Variants in HSPA14 observed in about 807,000 individuals in gnomAD.
HSPA14 encodes the protein heat shock protein family A (Hsp70) member 14, also known as heat shock 70 kDa protein 14.
In HSPA14, 37 loss-of-function variants were observed where a neutral mutation model predicts 65.5. That is an observed-to-expected ratio of 0.56 (90% confidence interval 0.43 to 0.74). The LOEUF (loss-of-function observed/expected upper bound fraction) is 0.74, where lower values mean the gene tolerates loss of function less well. Ranked by LOEUF, HSPA14 falls within the 30% of genes least tolerant of loss-of-function variation. The pLI, the probability that HSPA14 is intolerant of heterozygous loss-of-function variation, is 0.00. For synonymous variants in HSPA14, 203 were observed against 214.2 expected, an observed-to-expected ratio of 0.95 and a Z score of 0.46; for missense variants, 564 against 607.6, an observed-to-expected ratio of 0.93 and a Z score of 0.75.
At position 14,871,640 on chromosome 10, in the gene HSPA14, G is replaced by C; in HGVS notation, c.*34G>C. 1.7e-6 allele frequency: 2 copies of C among 1,151,876 alleles called. No homozygotes were observed. Among genetic ancestry groups the C allele is most frequent in the Non-Finnish European group, 2.6e-6 (2 of 782,068 alleles). 71.4% of individuals were successfully genotyped at this position (1,151,876 alleles called of 1,614,324 possible). A position where few individuals can be genotyped will look rare whatever the true frequency, so the allele number is the denominator to read the frequency against. ...AGAAATCAAGAATTTTTAAAAACAA[G>C]AATATCAACATTTGGTTTTGTGTAT... On this transcript the variant is annotated 3_prime_UTR_variant, in exon 14 of 14. Transcript: ENST00000378372.
At chr10:14,852,051 T>G (rs569448692) in intron 7 of HSPA14, among the ~76,000 whole-genome samples, 1 of 152,346 alleles carries the variant, frequency 6.6e-6, no homozygotes, top group South Asian at 2.1e-4. Flanking sequence ...CACATAGAAT[T>G]TCTATGTTCA....
chr10:14,871,590 TTGA>T lies in HSPA14; in HGVS notation c.1515_1517del (p.Ile505_Glu506delinsMet). The T allele has an allele frequency of 6.4e-7, 1 of 1,572,920 alleles. No individual in the cohort carries two copies. The highest frequency in any genetic ancestry group is 1.8e-5 in the Admixed American group (1 of 56,764). On this transcript the variant is annotated inframe_deletion, in exon 14 of 14. Transcript: ENST00000378372. Reference sequence around the variant, plus strand: ...ACTGGAAAATGTGAAGCAATCTCTATTGAGATAGCATCTTAGTGTTTTAGAGAA... The same window carrying T: ...ACTGGAAAATGTGAAGCAATCTCTATGATAGCATCTTAGTGTTTTAGAGAA...
At chr10:14,863,647 A>G (rs1832776257) in intron 10 of HSPA14, among the ~76,000 whole-genome samples, 2 of 152,192 alleles carry the variant, frequency 1.3e-5, no homozygotes, top group South Asian at 4.1e-4. Context: ...AGGTTGTGAC[A>G]TTATAAGCAG....
At chr10:14,870,784 GT>G in intron 13 of HSPA14, 117 bp downstream of exon 13, 1 of 958,296 alleles carries the variant, frequency 1.0e-6, no homozygotes, top group Non-Finnish European at 1.4e-6. Flanking sequence ...ACCTACAGAG[GT>G]TTTTATCAGT....
chr10:14,849,034 C>G, intron 5 of HSPA14, 139 bp downstream of exon 5: 1 of 545,466 alleles, frequency 1.8e-6, no homozygotes, highest in Non-Finnish European at 3.3e-6. Flanking sequence ...AAACTGTCGA[C>G]CTGGTTGGGG....
At chr10:14,864,516 G>C (rs1157001261) in intron 10 of HSPA14, among the ~76,000 whole-genome samples, 2 of 146,308 alleles carry the variant, frequency 1.4e-5, no homozygotes, top group Non-Finnish European at 1.5e-5. Context: ...GGTGTGTGAT[G>C]TTCCCCTTCC....
At position 14,842,582 on chromosome 10, in the gene HSPA14, C is replaced by A; in HGVS notation, c.221+2425C>A. 1 of 1,536,160 alleles carries A rather than the reference C, an allele frequency of 6.5e-7. No individual in the cohort carries two copies. Among genetic ancestry groups the A allele is most frequent in the Non-Finnish European group, 8.7e-7 (1 of 1,146,922 alleles). On this transcript the variant is annotated intron_variant, in intron 3 of 13. Coordinates refer to ENST00000378372, the MANE Select transcript of HSPA14 (RefSeq NM_016299.4). This position sits in a 1 kb window ranked among gnomAD's most constrained non-coding sequence, Gnocchi z 5.2. ...ATTTTATGATACGTTGGATCAGCTT[C>A]TCCGAAATCAGATAGTGACTGACCC...
chr10:14,844,602 T>C (rs1834022751), intron 3 of HSPA14: 1 of 985,336 alleles, frequency 1.0e-6, no homozygotes, highest in Non-Finnish European at 1.2e-6. Flanking sequence ...TCCTTCATTT[T>C]ACTGGTTCTT....
chr10:14,864,948 A>G (rs924738708), intron 10 of HSPA14, among the ~76,000 whole-genome samples: 25 of 151,542 alleles, frequency 1.6e-4, no homozygotes, highest in Non-Finnish European at 2.4e-4. Context: ...CAACAGTGTA[A>G]GTGTTCCTAT....
rs1343361222 is a variant in HSPA14, at chr10:14,867,287, TTAGTTAAGGTATGTTTAGCTTTTGTATAC to T, written c.1206+16_1206+44del. The T allele has an allele frequency of 3.1e-6, 5 of 1,611,142 alleles. No homozygotes were observed. The highest frequency in any genetic ancestry group is 2.7e-5 in the African/African-American group (2 of 74,864). On this transcript the variant is annotated splice_donor_variant and splice_donor_5th_base_variant and coding_sequence_variant and intron_variant, in exon 11 of 14. Coordinates refer to ENST00000378372, the MANE Select transcript of HSPA14 (RefSeq NM_016299.4). LOFTEE classifies it high-confidence loss of function. ...GATAGAGTGTTCAGCCAGAGATATT[TTAGTTAAGGTATGTTTAGCTTTTGTATAC>T]TAGTTAAGGTATGTTTAGCTTTTCT...
chr10:14,847,143 G>T, intron 3 of HSPA14: 1 of 479,130 alleles, frequency 2.1e-6, no homozygotes, highest in Non-Finnish European at 2.7e-6. Context: ...GAGGAGAGCG[G>T]CCCTCTTTAT....
chr10:14,843,443 G>A, intron 3 of HSPA14: 1 of 1,550,754 alleles, frequency 6.4e-7, no homozygotes, highest in East Asian at 2.4e-5. Context: ...CCCTGTCAGA[G>A]CAGCCCCATG....
At chr10:14,857,929 G>A (rs1303685338) in intron 10 of HSPA14, among the ~76,000 whole-genome samples, 1 of 151,448 alleles carries the variant, frequency 6.6e-6, no homozygotes, top group Non-Finnish European at 1.5e-5. Flanking sequence ...CTTACAGTGT[G>A]GCAGGCATTT....
At position 14,842,242 on chromosome 10, in the gene HSPA14, C is replaced by T. The variant is rs1833982864; in HGVS notation, c.221+2085C>T. On this transcript the variant is annotated intron_variant, in intron 3 of 13. Coordinates refer to ENST00000378372, the MANE Select transcript of HSPA14 (RefSeq NM_016299.4). The surrounding 1 kb of genome is among the most constrained non-coding windows in gnomAD (Gnocchi z 5.2). Reference sequence around the variant, plus strand: ...GCTTCCCCACACCTTCAGACTTGCACCTTGCTGTCCAGAAGCTGCCTAGCC... The same window carrying T: ...GCTTCCCCACACCTTCAGACTTGCATCTTGCTGTCCAGAAGCTGCCTAGCC... 1 of 1,535,440 alleles carries T rather than the reference C, an allele frequency of 6.5e-7. No homozygotes were observed. The highest frequency in any genetic ancestry group is 1.2e-5 in the South Asian group (1 of 83,906).
intron 12 of HSPA14, among the ~76,000 whole-genome samples, chr10:14,868,503 A>T (rs1160882377): frequency 1.4e-5 from 2 of 147,640 alleles, no homozygotes; most frequent in East Asian, 2.0e-4. Context: ...AGTTGCATTC[A>T]CACACACACA....
chr10:14,858,046 TA>T (rs1231504311), intron 10 of HSPA14, among the ~76,000 whole-genome samples: 1 of 152,152 alleles, frequency 6.6e-6, no homozygotes, highest in Non-Finnish European at 1.5e-5. Flanking sequence ...CAGACCCACC[TA>T]AACATGAAGC....
intron 13 of HSPA14, 42 bp downstream of exon 13, chr10:14,870,709 T>C: frequency 2.0e-6 from 3 of 1,466,538 alleles, no homozygotes; most frequent in Non-Finnish European, 2.8e-6. Flanking sequence ...TTCAATTTGA[T>C]ACTTGACCAT....
intron 12 of HSPA14, among the ~76,000 whole-genome samples, chr10:14,870,220 T>A (rs1349745172): frequency 1.3e-5 from 2 of 152,074 alleles, no homozygotes; most frequent in African/African-American, 4.8e-5. Context: ...TTTTTAAGTA[T>A]ATATAGAAAG....
At chr10:14,864,452 G>C (rs1251726028) in intron 10 of HSPA14, among the ~76,000 whole-genome samples, 5 of 151,796 alleles carry the variant, frequency 3.3e-5, no homozygotes, top group Admixed American at 3.3e-4. Flanking sequence ...ATTTACATTA[G>C]GCATATCTCC....
Sources: gnomAD v4.1 joint callset for allele counts (sites outside exome capture counted in the v4.1 genomes callset) on GRCh38, gnomAD v4.1.1 for gene constraint, Gnocchi (gnomAD v3.1) non-coding constraint, MANE v1.5 for transcripts, NCBI Gene and HGNC (gene_info 2026-07-23, HGNC 2026-07-21) for gene names.